CACNG6: variants seen among roughly 807,000 people sequenced by gnomAD.
The protein encoded by CACNG6 is voltage-dependent calcium channel gamma-6 subunit.
Under a neutral mutation model 23.9 loss-of-function variants are expected in CACNG6, and 21 were observed. The ratio of observed to expected loss-of-function variants is 0.88; its 90% confidence interval spans 0.62 to 1.26. The LOEUF (loss-of-function observed/expected upper bound fraction) is 1.26, where lower values mean the gene tolerates loss of function less well. CACNG6 is among the 50% of genes most tolerant of loss of function. The pLI is 0.00. For synonymous variants in CACNG6, 182 were observed against 168.9 expected (o/e 1.08, Z -0.60); for missense variants, 340 against 352.9 (o/e 0.96, Z 0.29).
chr19:54,002,275 G>GTTTTGTTTTTTTTTTTTTTTTTT (rs2069585153), intron 3 of CACNG6, among the ~76,000 whole-genome samples: 1 of 116,436 alleles, frequency 8.6e-6, no homozygotes, highest in Admixed American at 8.7e-5. Context: ...CGGTTTTTTT[G>GTTTTGTTTTTTTTTTTTTTTTTT]TTTTTTTTGT....
chr19:53,995,824 G>T (rs1201913666), intron 1 of CACNG6, among the ~76,000 whole-genome samples: 3 of 152,160 alleles, frequency 2.0e-5, no homozygotes, highest in Non-Finnish European at 4.4e-5. Context: ...ACAACATCCG[G>T]CTAATTTTTG....
At chr19:54,003,468 C>T (rs780524270) in intron 3 of CACNG6, among the ~76,000 whole-genome samples, 1 of 152,134 alleles carries the variant, frequency 6.6e-6, no homozygotes, top group East Asian at 1.9e-4. Context: ...TCCAGCGATT[C>T]TCCTGCCACA....
intron 1 of CACNG6, 101 bp from the exon 2 acceptor site, chr19:53,998,138 G>T (rs947826124): frequency 1.0e-6 from 1 of 982,044 alleles, no homozygotes; most frequent in African/African-American, 1.6e-5. Flanking sequence ...GGATGCTGAT[G>T]TCCAAGTTTT....
In CACNG6 at chr19:54,011,221, T is replaced by TACACACACAC. The variant is rs373872212; in HGVS notation, c.545-729_545-728insCACACACACA. ...AAAAAAAAAAATATATATATATATA[T>TACACACACAC]ATATATACACACACACACACACACA... On this transcript the variant is annotated intron_variant, in intron 3 of 3. Coordinates refer to ENST00000252729, the MANE Select transcript of CACNG6 (RefSeq NM_145814.2). 1.9e-3 allele frequency among the ~76,000 whole-genome samples: 194 copies of TACACACACAC among 101,066 alleles called. 1 individual carries two copies. The highest frequency in any genetic ancestry group is 9.3e-3 in the Middle Eastern group (2 of 214). 66.3% of individuals were successfully genotyped at this position (101,066 alleles called of 152,430 possible). A position where few individuals can be genotyped will look rare whatever the true frequency, so the allele number is the denominator to read the frequency against.
At chr19:54,011,430 C>CAAAAAA (rs59105087) in intron 3 of CACNG6, among the ~76,000 whole-genome samples, 4 of 100,570 alleles carry the variant, frequency 4.0e-5, no homozygotes, top group East Asian at 2.6e-4. Context: ...GACTCCGTCT[C>CAAAAAA]AAAAAAAAAA....
chr19:53,999,487 T>C (rs1428622443), intron 2 of CACNG6, 147 bp from the exon 3 acceptor site: 1 of 883,914 alleles, frequency 1.1e-6, no homozygotes, highest in Non-Finnish European at 1.8e-6. Context: ...ACAGTGTAAG[T>C]AAAATGTTGG....
chr19:54,002,284 G>GTTTTTTGTT (rs2069586765), intron 3 of CACNG6, among the ~76,000 whole-genome samples: 3 of 117,416 alleles, frequency 2.6e-5, no homozygotes, highest in Admixed American at 1.8e-4. Flanking sequence ...TGTTTTTTTT[G>GTTTTTTGTT]TTTTTTTTTT....
chr19:53,993,704 C>T (rs1443757309), intron 1 of CACNG6, among the ~76,000 whole-genome samples: 1 of 151,196 alleles, frequency 6.6e-6, no homozygotes. Flanking sequence ...TTTCCACCCC[C>T]AGACTAACAT....
intron 3 of CACNG6, among the ~76,000 whole-genome samples, chr19:54,004,331 A>ATTTT (rs532047922): frequency 1.2e-5 from 1 of 84,318 alleles, no homozygotes; most frequent in Non-Finnish European, 2.2e-5. Context: ...TTAATTTTGT[A>ATTTT]TTTTTGTGTG....
intron 3 of CACNG6, among the ~76,000 whole-genome samples, chr19:54,006,749 G>A (rs61015835): frequency 6.6e-4 from 100 of 152,022 alleles, no homozygotes; most frequent in African/African-American, 2.2e-3. Context: ...TGGCCAGGCT[G>A]GTCTCGAACT....
intron 1 of CACNG6, among the ~76,000 whole-genome samples, chr19:53,993,806 T>C (rs2069493799): frequency 6.7e-6 from 1 of 149,422 alleles, no homozygotes; most frequent in East Asian, 2.0e-4. Flanking sequence ...CACCAGGCTA[T>C]GGTCCCAGAT....
chr19:53,998,178 C>A, intron 1 of CACNG6, 61 bp from the exon 2 acceptor site: 1 of 1,467,194 alleles, frequency 6.8e-7, no homozygotes, highest in Non-Finnish European at 9.5e-7. Flanking sequence ...ACTGTCCAGC[C>A]CTGAGCTTAC....
At chr19:54,003,902 G>A (rs1295458223) in intron 3 of CACNG6, among the ~76,000 whole-genome samples, 1 of 151,984 alleles carries the variant, frequency 6.6e-6, no homozygotes, top group Non-Finnish European at 1.5e-5. Context: ...CTGTCGCCCA[G>A]GCTGATGTAC....
chr19:53,991,893 T>C lies in CACNG6; in HGVS notation c.-985T>C, dbSNP rs367809247. 2.6e-5 allele frequency among the ~76,000 whole-genome samples: 4 copies of C among 151,940 alleles called. No individual in the cohort carries two copies. The highest frequency in any genetic ancestry group is 5.9e-5 in the Non-Finnish European group (4 of 67,942). Reference sequence around the variant, plus strand: ...CGGGTCGCGGTTGGCCTTTGAACCCTGGGGGGACTCAGTCCTGGTTTTCCG... The same window carrying C: ...CGGGTCGCGGTTGGCCTTTGAACCCCGGGGGGACTCAGTCCTGGTTTTCCG... On this transcript the variant is annotated 5_prime_UTR_variant, in exon 1 of 4. Coordinates refer to ENST00000252729, the MANE Select transcript of CACNG6 (RefSeq NM_145814.2).
chr19:54,010,036 C>CTTTTTTTTT (rs199976621), intron 3 of CACNG6, among the ~76,000 whole-genome samples: 4 of 97,920 alleles, frequency 4.1e-5, no homozygotes, highest in Admixed American at 1.3e-4. Flanking sequence ...TATTTCTTTT[C>CTTTTTTTTT]TTTCTTTTTT....
At chr19:54,006,120 A>AAATAAATAAAT (rs371151424) in intron 3 of CACNG6, among the ~76,000 whole-genome samples, 1,889 of 150,656 alleles carry the variant, frequency 0.013, 17 homozygotes, top group Admixed American at 0.019. Context: ...ATAAATAAAT[A>AAATAAATAAAT]AAATAAGAAA....
At position 53,991,795 on chromosome 19, in the gene CACNG6, A is replaced by G. The variant is rs3810245; in HGVS notation, c.-1083A>G. Among the ~76,000 whole-genome samples the G allele has an allele frequency of 0.45, 68,675 of 151,870 alleles. 15,993 individuals are homozygous for G. Among genetic ancestry groups the G allele is most frequent in the East Asian group, 0.67 (3,421 of 5,104 alleles). On this transcript the variant is annotated 5_prime_UTR_variant, in exon 1 of 4. Coordinates refer to ENST00000252729, the MANE Select transcript of CACNG6 (RefSeq NM_145814.2). ...CTGGCCTGGGGCTGAGCCTGGCGCG[A>G]ACCCGACCGGGAAGGCCCTGGGAGC...
intron 1 of CACNG6, among the ~76,000 whole-genome samples, chr19:53,993,912 T>G (rs1200689532): frequency 6.6e-6 from 1 of 151,934 alleles, no homozygotes; most frequent in Non-Finnish European, 1.5e-5. Context: ...AGAGAGAGCC[T>G]GTGTCACTAG....
rs1253047443 is a variant in CACNG6 at position 53,993,058 on chromosome 19, T to G, written c.181T>G (p.Phe61Val). Residue 61 changes from phenylalanine (F) to valine (V), a missense_variant, in exon 1 of 4, where the codon TTC (phenylalanine) becomes GTC (valine). Physicochemically the swap from Phe to Val is conservative, Grantham distance 50. Transcript: ENST00000252729. ...GGCGGTGCTGTCCGTGGGCACCGAG[T>G]TCTGGGTGGAGCTCAACACCTACAA... ...TLAVLSVGTE[F>V]WVELNTYKAN... The G allele has an allele frequency of 1.3e-6, 2 of 1,521,192 alleles. No homozygotes were observed. The highest frequency in any genetic ancestry group is 2.5e-5 in the South Asian group (2 of 81,362). 94.2% of individuals were successfully genotyped at this position (1,521,192 alleles called of 1,614,324 possible). A position where few individuals can be genotyped will look rare whatever the true frequency, so the allele number is the denominator to read the frequency against.
Sources: allele counts gnomAD v4.1 joint callset (sites outside exome capture counted in the v4.1 genomes callset), GRCh38; gene constraint gnomAD v4.1.1; transcripts MANE v1.5; gene names NCBI Gene and HGNC (gene_info 2026-07-23, HGNC 2026-07-21).